The following NFIB variants were observed in gnomAD, a reference collection of about 807,000 sequenced individuals.
NFIB encodes nuclear factor 1 B-type.
NFIB carries 11 observed loss-of-function variants against 61.5 expected under a neutral mutation model. The observed-to-expected ratio is 0.18, with a 90% CI of 0.11 to 0.30. The LOEUF (loss-of-function observed/expected upper bound fraction) is 0.30, where lower values mean the gene tolerates loss of function less well. Ranked by LOEUF, NFIB falls within the 10% of genes least tolerant of loss-of-function variation. The pLI is 1.00. For synonymous variants in NFIB, 260 were observed against 216.5 expected (o/e 1.20, Z -1.76); for missense variants, 471 against 608.9 (o/e 0.77, Z 2.38).
intron 3 of NFIB, among the ~76,000 whole-genome samples, chr9:14,160,831 C>CAAAAAAAAAAAAAAAAAAAAA (rs36063048): frequency 3.1e-5 from 3 of 96,318 alleles, no homozygotes; most frequent in Admixed American, 1.2e-4. Flanking sequence ...AAGGAAATCT[C>CAAAAAAAAAAAAAAAAAAAAA]AAAAAAAAAA....
the NFIB span, among the ~76,000 whole-genome samples, chr9:14,423,984 G>T: frequency 6.6e-6 from 1 of 152,026 alleles, no homozygotes; most frequent in Non-Finnish European, 1.5e-5. Flanking sequence ...AGAGAAGCTC[G>T]GGAATTTGGT....
the NFIB span, among the ~76,000 whole-genome samples, chr9:14,459,333 G>T: frequency 6.6e-6 from 1 of 152,184 alleles, no homozygotes; most frequent in African/African-American, 2.4e-5. Context: ...GCTGAAACTG[G>T]ATCCCTTCCT....
chr9:14,128,733 G>C (rs563972097), intron 6 of NFIB, among the ~76,000 whole-genome samples: 1 of 151,344 alleles, frequency 6.6e-6, no homozygotes, highest in African/African-American at 2.4e-5. Flanking sequence ...ACCACAGCTT[G>C]AGAAACAGAA....
chr9:14,309,891 G>A lies in NFIB; in HGVS notation c.31-2371C>T, dbSNP rs139514130. Among the ~76,000 whole-genome samples, 372 of 152,268 alleles carry A rather than the reference G, an allele frequency of 2.4e-3. 1 individual carries two copies. Among genetic ancestry groups the A allele is most frequent in the Non-Finnish European group, 4.2e-3 (288 of 68,026 alleles). On this transcript the variant is annotated intron_variant, in intron 1 of 10. Coordinates refer to ENST00000380953, the MANE Select transcript of NFIB (RefSeq NM_001190737.2). ...CCTTGAGAATGTAAAGAGCACATGA[G>A]GTGGAGTGGGTGGGCTCTGTCTCAC...
At chr9:14,336,281 G>T (rs1588327430) in intron 1 of NFIB, among the ~76,000 whole-genome samples, 1 of 152,218 alleles carries the variant, frequency 6.6e-6, no homozygotes, top group Non-Finnish European at 1.5e-5. Flanking sequence ...GGGCCTAAAA[G>T]TCATTTTTAT....
the NFIB span, among the ~76,000 whole-genome samples, chr9:14,520,383 G>A: frequency 6.6e-6 from 1 of 152,272 alleles, no homozygotes; most frequent in South Asian, 2.1e-4. Context: ...CATGCATTAT[G>A]AACACAGACC....
At chr9:14,473,984 TG>T in the NFIB span, among the ~76,000 whole-genome samples, 1 of 152,168 alleles carries the variant, frequency 6.6e-6, no homozygotes, top group Non-Finnish European at 1.5e-5. Context: ...AGGAAGCCGC[TG>T]GACATGGTGT....
chr9:14,398,709 G>T, exon 1 of NFIB: 1 of 1,019,420 alleles, frequency 9.8e-7, no homozygotes, highest in Non-Finnish European at 1.4e-6. Context: ...TTTGCTCCAG[G>T]TCACCGAGTA....
At chr9:14,332,413 T>A (rs998518559) in intron 1 of NFIB, among the ~76,000 whole-genome samples, 1 of 151,496 alleles carries the variant, frequency 6.6e-6, no homozygotes, top group Non-Finnish European at 1.5e-5. Flanking sequence ...GTAGACTGTG[T>A]TGTAGTTTGA....
At chr9:14,480,468 TG>T in the NFIB span, among the ~76,000 whole-genome samples, 2 of 150,866 alleles carry the variant, frequency 1.3e-5, no homozygotes, top group African/African-American at 4.8e-5. Flanking sequence ...TTAAGTGAAG[TG>T]CCCCTGACTG....
intron 1 of NFIB, among the ~76,000 whole-genome samples, chr9:14,341,152 C>G (rs2060944995): frequency 6.6e-6 from 1 of 152,182 alleles, no homozygotes; most frequent in Non-Finnish European, 1.5e-5. Flanking sequence ...ATCTGCTAGT[C>G]TTCTGGCATC....
chr9:14,516,738 C>A, the NFIB span, among the ~76,000 whole-genome samples: 1 of 152,318 alleles, frequency 6.6e-6, no homozygotes. Context: ...ACAGGATTTT[C>A]AAGCTCTTGC....
rs189997677 is a variant in NFIB, at chr9:14,261,788, T to C, written c.562+45201A>G. 9.2e-3 allele frequency among the ~76,000 whole-genome samples: 1,405 copies of C among 152,344 alleles called. 9 individuals carry two copies. Among genetic ancestry groups the C allele is most frequent in the Non-Finnish European group, 0.016 (1,073 of 68,032 alleles). On this transcript the variant is annotated intron_variant, in intron 2 of 10. Coordinates refer to ENST00000380953, the MANE Select transcript of NFIB (RefSeq NM_001190737.2). ...GGTTTGTGACAAATGTCTGTCCAGA[T>C]GTGTTGACAGGCTTCAGTGTTTCTT...
chr9:14,419,494 T>C, the NFIB span, among the ~76,000 whole-genome samples: 4,887 of 152,252 alleles, frequency 0.032, 107 homozygotes, highest in Non-Finnish European at 0.044. Flanking sequence ...GTCCTGCGTC[T>C]AGTTGAATGC....
chr9:14,465,145 T>G, the NFIB span, among the ~76,000 whole-genome samples: 1 of 152,214 alleles, frequency 6.6e-6, no homozygotes, highest in African/African-American at 2.4e-5. Context: ...CAAGATTTGC[T>G]CTCATTATGG....
chr9:14,104,504 G>C (rs1169890547), intron 10 of NFIB, among the ~76,000 whole-genome samples: 2 of 151,904 alleles, frequency 1.3e-5, no homozygotes, highest in East Asian at 3.9e-4. Flanking sequence ...ACTTGGCTTT[G>C]TATAACAAGA....
chr9:14,298,463 T>C (rs2059568411), intron 2 of NFIB, among the ~76,000 whole-genome samples: 2 of 152,098 alleles, frequency 1.3e-5, no homozygotes, highest in South Asian at 2.1e-4. Context: ...TGTACCATCA[T>C]AAAACAGAGA....
chr9:14,261,244 G>C (rs528283945), intron 2 of NFIB, among the ~76,000 whole-genome samples: 1 of 152,042 alleles, frequency 6.6e-6, no homozygotes, highest in Non-Finnish European at 1.5e-5. Context: ...TTGAATCTGG[G>C]AGAGGGAGGG....
intron 2 of NFIB, among the ~76,000 whole-genome samples, chr9:14,287,190 G>A (rs1471653601): frequency 6.6e-6 from 1 of 151,060 alleles, no homozygotes; most frequent in African/African-American, 2.5e-5. Context: ...CCAGCACTCT[G>A]GGAGGCCGAG....
Sources: gnomAD v4.1 joint callset for allele counts (sites outside exome capture counted in the v4.1 genomes callset) on GRCh38, gnomAD v4.1.1 for gene constraint, MANE v1.5 for transcripts, NCBI Gene and HGNC (gene_info 2026-07-23, HGNC 2026-07-21) for gene names.